The following PDGFC variants were observed in gnomAD, a reference collection of about 807,000 sequenced individuals.
PDGFC encodes the protein platelet derived growth factor C, also known as platelet-derived growth factor C.
A neutral mutation model predicts 35.5 loss-of-function variants in PDGFC; 12 were observed. That is an observed-to-expected ratio of 0.34 (90% CI 0.22 to 0.55). The LOEUF (loss-of-function observed/expected upper bound fraction) is 0.55. Ranked by LOEUF, PDGFC falls within the 20% of genes least tolerant of loss-of-function variation. PDGFC has a pLI of 0.91. For synonymous variants in PDGFC, 159 were observed against 148.8 expected, an observed-to-expected ratio of 1.07 and a Z score of -0.50; for missense variants, 322 against 412.4, an observed-to-expected ratio of 0.78 and a Z score of 1.90.
chr4:156,813,600 C>T (rs1298376113), intron 2 of PDGFC, among the ~76,000 whole-genome samples: 2 of 151,952 alleles, frequency 1.3e-5, no homozygotes, highest in East Asian at 1.9e-4. Context: ...AGAAAGAAAG[C>T]GCTAAGCATG....
intron 1 of PDGFC, among the ~76,000 whole-genome samples, chr4:156,878,598 C>A (rs1730170167): frequency 1.3e-5 from 2 of 151,962 alleles, no homozygotes; most frequent in South Asian, 4.1e-4. Flanking sequence ...GTAATATTTG[C>A]ATTATATATA....
intron 1 of PDGFC, among the ~76,000 whole-genome samples, chr4:156,887,264 T>C (rs1730397981): frequency 6.6e-6 from 1 of 152,140 alleles, no homozygotes; most frequent in African/African-American, 2.4e-5. Flanking sequence ...ATTATCTACA[T>C]AGATTATTTA....
At chr4:156,923,802 G>A (rs528718133) in intron 1 of PDGFC, among the ~76,000 whole-genome samples, 1 of 152,060 alleles carries the variant, frequency 6.6e-6, no homozygotes, top group South Asian at 2.1e-4. Flanking sequence ...TAACGAACTG[G>A]GGACAAAGAG....
rs930269268 is a variant in PDGFC, at chr4:156,862,908, T to A, written c.119-12492A>T. Among the ~76,000 whole-genome samples the A allele has an allele frequency of 6.6e-5, 10 of 152,264 alleles. No homozygotes were observed. The East Asian group carries it at 1.9e-3, about 29-fold the overall frequency. On this transcript the variant is annotated intron_variant, in intron 1 of 5. Transcript: ENST00000502773. ...CGGGGTATCACCATCTTGGCCAGGC[T>A]GGTCTTGAACTCCTGACCTCATGAT...
At chr4:156,959,529 G>T (rs969459500) in intron 1 of PDGFC, among the ~76,000 whole-genome samples, 1 of 151,986 alleles carries the variant, frequency 6.6e-6, no homozygotes, top group Middle Eastern at 3.2e-3. Flanking sequence ...TTAGATGGAC[G>T]TGGTCTCATA....
intron 1 of PDGFC, among the ~76,000 whole-genome samples, chr4:156,960,452 T>C (rs1212804034): frequency 1.3e-5 from 2 of 151,084 alleles, no homozygotes; most frequent in African/African-American, 4.8e-5. Context: ...CAGACATATA[T>C]ACACACACAC....
chr4:156,902,423 G>T (rs559048718), intron 1 of PDGFC, among the ~76,000 whole-genome samples: 38 of 152,132 alleles, frequency 2.5e-4, no homozygotes, highest in African/African-American at 8.4e-4. Context: ...CTCCTCAGAG[G>T]TAACTTTTGT....
chr4:156,864,535 T>C (rs1313224056), intron 1 of PDGFC, among the ~76,000 whole-genome samples: 2 of 152,174 alleles, frequency 1.3e-5, no homozygotes, highest in Non-Finnish European at 2.9e-5. Flanking sequence ...ATTAACAAAT[T>C]TGATATTTTT....
At chr4:156,944,494 C>T (rs1028704135) in intron 1 of PDGFC, among the ~76,000 whole-genome samples, 11 of 152,102 alleles carry the variant, frequency 7.2e-5, no homozygotes, top group African/African-American at 1.4e-4. Flanking sequence ...AATCCATCAC[C>T]AATGTGTGTC....
At chr4:156,903,001 G>C (rs1730826434) in intron 1 of PDGFC, among the ~76,000 whole-genome samples, 1 of 151,852 alleles carries the variant, frequency 6.6e-6, no homozygotes, top group African/African-American at 2.4e-5. Context: ...TCAGTTTTTA[G>C]AGTAACATAA....
chr4:156,847,124 C>A (rs1327596668), intron 2 of PDGFC, among the ~76,000 whole-genome samples: 1 of 151,286 alleles, frequency 6.6e-6, no homozygotes, highest in African/African-American at 2.4e-5. Context: ...ATGCATATAC[C>A]CTTTAGGAGG....
At chr4:156,910,241 CA>C (rs747600708) in intron 1 of PDGFC, among the ~76,000 whole-genome samples, 1 of 152,124 alleles carries the variant, frequency 6.6e-6, no homozygotes, top group East Asian at 1.9e-4. Context: ...TGTAGACTCA[CA>C]AAGTTGCAAA....
At chr4:156,882,028 T>G (rs988455235) in intron 1 of PDGFC, among the ~76,000 whole-genome samples, 2 of 151,998 alleles carry the variant, frequency 1.3e-5, no homozygotes, top group African/African-American at 4.8e-5. Context: ...AGCATGAAAA[T>G]GGACTAATAC....
chr4:156,815,323 TACACAC>T (rs3042796), intron 2 of PDGFC, among the ~76,000 whole-genome samples: 16,730 of 144,964 alleles, frequency 0.12, 970 homozygotes, highest in African/African-American at 0.14. Context: ...AATAATTTTT[TACACAC>T]ACACACACAC....
intron 1 of PDGFC, among the ~76,000 whole-genome samples, chr4:156,969,471 C>T (rs1184823693): frequency 3.9e-5 from 6 of 152,182 alleles, no homozygotes; most frequent in Admixed American, 3.9e-4. Context: ...TGTCTTGCTG[C>T]GCAACAGCAA....
At chr4:156,957,895 G>A (rs546892537) in intron 1 of PDGFC, among the ~76,000 whole-genome samples, 1 of 151,864 alleles carries the variant, frequency 6.6e-6, no homozygotes, top group East Asian at 2.0e-4. Context: ...TCCTTACTGC[G>A]CATATCTACT....
At chr4:156,764,793 A>G (rs976069657) in intron 5 of PDGFC, among the ~76,000 whole-genome samples, 1 of 152,138 alleles carries the variant, frequency 6.6e-6, no homozygotes, top group African/African-American at 2.4e-5. Flanking sequence ...TACATTTCAG[A>G]TATTGGCACT....
intron 1 of PDGFC, among the ~76,000 whole-genome samples, chr4:156,910,297 T>A (rs1275908547): frequency 6.6e-6 from 1 of 152,178 alleles, no homozygotes; most frequent in Non-Finnish European, 1.5e-5. Context: ...CTTCTGCTAA[T>A]GTTGACATGT....
chr4:156,948,891 T>C (rs780119982), intron 1 of PDGFC, among the ~76,000 whole-genome samples: 1 of 151,934 alleles, frequency 6.6e-6, no homozygotes, highest in Non-Finnish European at 1.5e-5. Context: ...TTGCCCCGTA[T>C]CCCCTGAGTA....
Sources: allele counts gnomAD v4.1 joint callset (sites outside exome capture counted in the v4.1 genomes callset), GRCh38; gene constraint gnomAD v4.1.1; transcripts MANE v1.5; gene names NCBI Gene and HGNC (gene_info 2026-07-23, HGNC 2026-07-21).